Variants in CSTPP1 observed in about 807,000 individuals in gnomAD.
CSTPP1 encodes the protein centriolar satellite-associated tubulin polyglutamylase complex regulator 1.
At chr11:47,089,808 T>C in the CSTPP1 span, among the ~76,000 whole-genome samples, 1 of 152,136 alleles carries the variant, frequency 6.6e-6, no homozygotes, top group African/African-American at 2.4e-5. Context: ...GACGTGGGTT[T>C]TAACTGTTGC....
chr11:47,002,738 A>G, the CSTPP1 span, among the ~76,000 whole-genome samples: 26 of 145,294 alleles, frequency 1.8e-4, no homozygotes, highest in South Asian at 1.0e-3. Context: ...TCAAGCCCCA[A>G]TGATACTATT....
chr11:47,147,622 G>A, the CSTPP1 span, among the ~76,000 whole-genome samples: 1 of 152,128 alleles, frequency 6.6e-6, no homozygotes, highest in Non-Finnish European at 1.5e-5. Flanking sequence ...AGGGAAAGGG[G>A]CAGCAGGAAG....
chr11:46,951,390 G>C, the CSTPP1 span, among the ~76,000 whole-genome samples: 1 of 148,532 alleles, frequency 6.7e-6, no homozygotes, highest in Non-Finnish European at 1.5e-5. Flanking sequence ...TCGACCTCCT[G>C]AGCTCAGGTG....
the CSTPP1 span, among the ~76,000 whole-genome samples, chr11:47,074,515 A>AC: frequency 0.053 from 7,622 of 145,072 alleles, 670 homozygotes; most frequent in African/African-American, 0.18. Flanking sequence ...AAAAAAAAAA[A>AC]AAAAAACAGA....
At chr11:47,012,738 G>A in the CSTPP1 span, among the ~76,000 whole-genome samples, 7 of 151,968 alleles carry the variant, frequency 4.6e-5, no homozygotes, top group Non-Finnish European at 1.0e-4. Context: ...GGTCTTCTCT[G>A]AGGTGCCTTC....
chr11:47,148,291 A>G, the CSTPP1 span, among the ~76,000 whole-genome samples: 2 of 152,052 alleles, frequency 1.3e-5, no homozygotes, highest in African/African-American at 4.8e-5. Flanking sequence ...CAGCCACCCC[A>G]TGACTGCCAC....
At chr11:47,006,471 A>G in the CSTPP1 span, among the ~76,000 whole-genome samples, 23 of 152,074 alleles carry the variant, frequency 1.5e-4, no homozygotes, top group Non-Finnish European at 2.9e-4. Context: ...TATTTAAACT[A>G]TTCGGTGTTC....
the CSTPP1 span, among the ~76,000 whole-genome samples, chr11:47,163,127 G>A: frequency 6.7e-6 from 1 of 149,144 alleles, no homozygotes; most frequent in Non-Finnish European, 1.5e-5. Context: ...AGCCATGATC[G>A]TGCCACTGCA....
At chr11:47,018,523 G>T in the CSTPP1 span, among the ~76,000 whole-genome samples, 1 of 151,930 alleles carries the variant, frequency 6.6e-6, no homozygotes, top group Non-Finnish European at 1.5e-5. Context: ...TTGAACTCCT[G>T]ACCTCGTGAT....
chr11:47,093,514 A>G, the CSTPP1 span, among the ~76,000 whole-genome samples: 1 of 152,224 alleles, frequency 6.6e-6, no homozygotes, highest in African/African-American at 2.4e-5. Context: ...CATGGAGCTT[A>G]CATTCCATGA....
At chr11:47,043,474 A>T in the CSTPP1 span, among the ~76,000 whole-genome samples, 3 of 152,170 alleles carry the variant, frequency 2.0e-5, no homozygotes, top group African/African-American at 7.2e-5. Flanking sequence ...GACAATCTGT[A>T]TGATATCCCT....
the CSTPP1 span, among the ~76,000 whole-genome samples, chr11:47,111,187 TCTC>T: frequency 6.6e-6 from 1 of 152,072 alleles, no homozygotes; most frequent in Non-Finnish European, 1.5e-5. Context: ...ATGGCACTCA[TCTC>T]CTCAAGAGTC....
At chr11:47,039,526 C>T in the CSTPP1 span, among the ~76,000 whole-genome samples, 28 of 126,560 alleles carry the variant, frequency 2.2e-4, 2 homozygotes, top group African/African-American at 6.7e-4. Flanking sequence ...CTTATAGCCA[C>T]ACGAACAGAT....
the CSTPP1 span, among the ~76,000 whole-genome samples, chr11:46,955,388 AGG>A: frequency 8.7e-5 from 13 of 148,764 alleles, no homozygotes; most frequent in African/African-American, 3.2e-4. Flanking sequence ...TTTTCGAGAC[AGG>A]GTCTTGCTCT....
chr11:47,123,099 T>C, the CSTPP1 span: 2 of 152,234 alleles, frequency 1.3e-5, no homozygotes. Flanking sequence ...TGAGGTCATG[T>C]ACTTTGTTTT....
At chr11:47,052,121 C>T in the CSTPP1 span, 3 of 260,268 alleles carry the variant, frequency 1.2e-5, no homozygotes, top group African/African-American at 2.2e-5. Flanking sequence ...ATGCGTTGCT[C>T]GAATGACTGA....
At chr11:46,962,974 T>C in the CSTPP1 span, among the ~76,000 whole-genome samples, 1 of 152,230 alleles carries the variant, frequency 6.6e-6, no homozygotes, top group Admixed American at 6.5e-5. Flanking sequence ...AATGATCTTG[T>C]ATCTTTCAAC....
At chr11:47,038,366 C>T in the CSTPP1 span, among the ~76,000 whole-genome samples, 1,035 of 85,552 alleles carry the variant, frequency 0.012, 165 homozygotes, top group Non-Finnish European at 0.022. Flanking sequence ...AGTGGCTGGC[C>T]GGACAGAGGG....
At chr11:46,949,826 C>T in the CSTPP1 span, among the ~76,000 whole-genome samples, 1 of 152,036 alleles carries the variant, frequency 6.6e-6, no homozygotes, top group Non-Finnish European at 1.5e-5. Context: ...TGCATGCCAC[C>T]ATGCCTGGCT....
Sources: gnomAD v4.1 joint callset for allele counts (sites outside exome capture counted in the v4.1 genomes callset) on GRCh38, gnomAD v4.1.1 for gene constraint, MANE v1.5 for transcripts, NCBI Gene and HGNC (gene_info 2026-07-23, HGNC 2026-07-21) for gene names.